IL1R1: variants seen among roughly 807,000 people sequenced by gnomAD.
IL1R1 encodes interleukin-1 receptor type 1.
In IL1R1, 22 loss-of-function variants were observed where a neutral mutation model predicts 50.2. That is an observed-to-expected ratio of 0.44 (90% CI 0.31 to 0.63). The LOEUF is 0.63. Ranked by LOEUF, IL1R1 falls within the 20% of genes least tolerant of loss-of-function variation. The pLI, the probability that IL1R1 is intolerant of heterozygous loss-of-function variation, is 0.07. For synonymous variants in IL1R1, 251 were observed against 236.7 expected (o/e 1.06, Z -0.55); for missense variants, 509 against 676.2 (o/e 0.75, Z 2.74).
intron 1 of IL1R1, among the ~76,000 whole-genome samples, chr2:102,095,927 C>G (rs909172194): frequency 6.6e-6 from 1 of 152,042 alleles, no homozygotes; most frequent in Non-Finnish European, 1.5e-5. Flanking sequence ...CACTTGAACC[C>G]GGGAGGCGGA....
At chr2:102,145,717 T>C (rs1350784876) in intron 1 of IL1R1, among the ~76,000 whole-genome samples, 1 of 152,102 alleles carries the variant, frequency 6.6e-6, no homozygotes, top group African/African-American at 2.4e-5. Context: ...AGTGGGGCCG[T>C]GAATGTGGAG....
chr2:102,103,625 G>A (rs551681826), upstream of IL1R1, among the ~76,000 whole-genome samples: 12 of 152,226 alleles, frequency 7.9e-5, no homozygotes, highest in South Asian at 1.5e-3. Context: ...TTTGAGTAGC[G>A]TTGTGATAGG....
At chr2:102,169,202 G>C (rs1255002780) in intron 7 of IL1R1, among the ~76,000 whole-genome samples, 1 of 152,170 alleles carries the variant, frequency 6.6e-6, no homozygotes, top group African/African-American at 2.4e-5. Context: ...AGTCGGAAGA[G>C]TAAGGCTACA....
intron 1 of IL1R1, among the ~76,000 whole-genome samples, chr2:102,089,008 T>C (rs72996506): frequency 0.013 from 1,995 of 152,354 alleles, 50 homozygotes; most frequent in African/African-American, 0.045. Context: ...TTTTGATCTA[T>C]TATTGACACT....
intron 1 of IL1R1, among the ~76,000 whole-genome samples, chr2:102,108,228 A>ATG (rs199675729): frequency 4.9e-5 from 5 of 101,746 alleles, no homozygotes; most frequent in Admixed American, 3.1e-4. Context: ...GTGTGTATGT[A>ATG]TGTGTGTGTG....
chr2:102,171,681 T>C (rs2104617268), intron 7 of IL1R1, 120 bp from the exon 8 acceptor site: 1 of 477,018 alleles, frequency 2.1e-6, no homozygotes, highest in East Asian at 3.4e-5. Context: ...GGGTTTAGGG[T>C]AATTTTCCTT....
At chr2:102,150,387 C>T (rs1011580626) in intron 1 of IL1R1, among the ~76,000 whole-genome samples, 1 of 152,176 alleles carries the variant, frequency 6.6e-6, no homozygotes, top group Non-Finnish European at 1.5e-5. Context: ...GGCCAATATG[C>T]TCATTGTTAA....
intron 3 of IL1R1, among the ~76,000 whole-genome samples, chr2:102,162,320 A>G (rs1684801564): frequency 6.6e-6 from 1 of 152,180 alleles, no homozygotes. Flanking sequence ...GTTAGGCACC[A>G]CATAGTTGGG....
chr2:102,109,322 G>A (rs1193058857), intron 1 of IL1R1, among the ~76,000 whole-genome samples: 1 of 151,600 alleles, frequency 6.6e-6, no homozygotes. Flanking sequence ...ACTCTTCTGG[G>A]TTCTTTAAGT....
At chr2:102,080,032 C>T (rs1047622623) in intron 1 of IL1R1, among the ~76,000 whole-genome samples, 7 of 152,074 alleles carry the variant, frequency 4.6e-5, no homozygotes, top group African/African-American at 1.7e-4. Flanking sequence ...TGGATATCCA[C>T]ATGTGAAGAA....
Position 102,168,684 on chromosome 2 carries a change from G to C in IL1R1, c.721+21G>C, listed in dbSNP as rs780926737. 2.6e-6 allele frequency: 4 copies of C among 1,564,556 alleles called. No homozygotes were observed. The Admixed American group carries it at 5.3e-5, about 21-fold the overall frequency. On this transcript the variant is annotated intron_variant, in intron 7 of 11. Transcript: ENST00000410023. ...CTTGGGTAAGTGGGCTTCAGTGAGG[G>C]TATGCTGGAATCGGTTTTTTTTTTT...
intron 1 of IL1R1, among the ~76,000 whole-genome samples, chr2:102,115,800 A>G (rs956148353): frequency 6.6e-6 from 1 of 152,190 alleles, no homozygotes; most frequent in Non-Finnish European, 1.5e-5. Flanking sequence ...ACATTAGGGA[A>G]ACTTGCAAGG....
chr2:102,172,571 G>T (rs1685783059), intron 8 of IL1R1, 116 bp from the exon 9 acceptor site: 1 of 1,078,224 alleles, frequency 9.3e-7, no homozygotes, highest in Non-Finnish European at 1.3e-6. Context: ...ATTGGGCAGG[G>T]TGATTATTTC....
rs146781284 is a variant in IL1R1, at chr2:102,146,532, C to T, written c.-84+3512C>T. ...CAGGACAGCTGGCATGGGGTGGGAACAGGTGAGTCTCAGTGGCCATCCAAA... is the reference window on the plus strand; with the variant it reads ...CAGGACAGCTGGCATGGGGTGGGAATAGGTGAGTCTCAGTGGCCATCCAAA... On this transcript the variant is annotated intron_variant, in intron 1 of 11. Transcript: ENST00000410023. Among the ~76,000 whole-genome samples, 812 of 152,172 alleles carry T rather than the reference C, an allele frequency of 5.3e-3. 6 individuals are homozygous for T. The highest frequency in any genetic ancestry group is 0.019 in the African/African-American group (786 of 41,516).
chr2:102,172,247 C>T (rs957028558), intron 8 of IL1R1: 2 of 984,456 alleles, frequency 2.0e-6, no homozygotes, highest in African/African-American at 3.5e-5. Flanking sequence ...TTAATGAGCT[C>T]AAGAATCAGG....
At chr2:102,160,205 A>G (rs1684590247) in intron 3 of IL1R1, among the ~76,000 whole-genome samples, 2 of 152,176 alleles carry the variant, frequency 1.3e-5, no homozygotes, top group African/African-American at 4.8e-5. Flanking sequence ...TTGGCATAAC[A>G]TTGTTTATAA....
chr2:102,141,553 T>G (rs987168689), upstream of IL1R1, among the ~76,000 whole-genome samples: 1 of 152,196 alleles, frequency 6.6e-6, no homozygotes, highest in African/African-American at 2.4e-5. Flanking sequence ...AAGACAGCTT[T>G]TAGGGCAGAT....
intron 2 of IL1R1, among the ~76,000 whole-genome samples, chr2:102,154,724 A>G (rs1181350702): frequency 1.3e-5 from 2 of 152,206 alleles, no homozygotes; most frequent in Non-Finnish European, 2.9e-5. Flanking sequence ...GTCTGCAAAA[A>G]ATGGAGATTT....
At chr2:102,092,240 G>A (rs767396461) in intron 1 of IL1R1, among the ~76,000 whole-genome samples, 30 of 152,012 alleles carry the variant, frequency 2.0e-4, no homozygotes, top group Non-Finnish European at 3.7e-4. Context: ...TCAGCTTGCA[G>A]CCAAAATTGG....
Sources: allele counts gnomAD v4.1 joint callset (sites outside exome capture counted in the v4.1 genomes callset), GRCh38; gene constraint gnomAD v4.1.1; transcripts MANE v1.5; gene names NCBI Gene and HGNC (gene_info 2026-07-23, HGNC 2026-07-21).